Variants in MYOF observed in about 807,000 individuals in gnomAD.
MYOF encodes the protein myoferlin, also known as fer-1-like 3, myoferlin.
A neutral mutation model predicts 284.2 loss-of-function variants in MYOF; 244 were observed. That is an observed-to-expected ratio of 0.86 (90% CI 0.77 to 0.95). The LOEUF is 0.95. Ranked by LOEUF, MYOF falls within the 40% of genes least tolerant of loss-of-function variation. The probability of loss-of-function intolerance (pLI) is 0.00; values close to 1 mark genes in which losing one functional copy is unlikely to be tolerated. For synonymous variants in MYOF, 904 were observed against 919.7 expected, an observed-to-expected ratio of 0.98 and a Z score of 0.31; for missense variants, 2,496 against 2,560.6, an observed-to-expected ratio of 0.97 and a Z score of 0.54.
chr10:93,381,900 G>C lies in MYOF; in HGVS notation c.1699-504C>G, dbSNP rs183832477. On this transcript the variant is annotated intron_variant, in intron 19 of 53. Coordinates refer to ENST00000359263, the MANE Select transcript of MYOF (RefSeq NM_013451.4). ...AAAAATACAAAAATTAGCTGGGCGT[G>C]GTGGTGCACACCTGTAATCTCAGCT... Among the ~76,000 whole-genome samples, 224 of 152,172 alleles carry C rather than the reference G, an allele frequency of 1.5e-3. 3 individuals carry two copies. The highest frequency in any genetic ancestry group is 0.014 in the Admixed American group (207 of 15,278).
chr10:93,378,681 A>ATGTGTG (rs142030025), intron 21 of MYOF, among the ~76,000 whole-genome samples: 3,077 of 96,956 alleles, frequency 0.032, 190 homozygotes, highest in East Asian at 0.11. Flanking sequence ...GTGTGTGTGT[A>ATGTGTG]TGTGTGTGTG....
In MYOF at chr10:93,409,633, C is replaced by G. The variant is rs1417352721; in HGVS notation, c.540G>C (p.Arg180=). The change falls in exon 6 of 54, where the codon CGG becomes CGC. Residue 180 remains arginine (R), a synonymous_variant. Coordinates refer to ENST00000359263, the MANE Select transcript of MYOF (RefSeq NM_013451.4). ...GGCTGTTCTTTACTTTGGTGAGCCT[C>G]CGAGCAAGCTGAGCTTCCGACACCG... ...VGTVSEAQLA[R]RLTKVKNSRR... 41 of 1,614,098 alleles carry G rather than the reference C, an allele frequency of 2.5e-5. No individual in the cohort carries two copies. Among genetic ancestry groups the G allele is most frequent in the Non-Finnish European group, 3.1e-5 (37 of 1,180,052 alleles).
At chr10:93,463,388 C>T (rs1295011792) in intron 1 of MYOF, among the ~76,000 whole-genome samples, 1 of 94,216 alleles carries the variant, frequency 1.1e-5, no homozygotes, top group Admixed American at 1.5e-4. Flanking sequence ...GACTTCGTCT[C>T]TACAAATTTT....
Position 93,416,716 on chromosome 10 carries a change from A to G in MYOF, c.434-6977T>C, listed in dbSNP as rs1213277793. Among the ~76,000 whole-genome samples, 5 of 151,276 alleles carry G rather than the reference A, an allele frequency of 3.3e-5. No individual in the cohort carries two copies. In the East Asian group the frequency reaches 8.0e-4, roughly 24 times the overall value. On this transcript the variant is annotated intron_variant, in intron 5 of 53. Coordinates refer to ENST00000359263, the MANE Select transcript of MYOF (RefSeq NM_013451.4). ...GGGTTCAAGGGATTCTCCAGCCTCA[A>G]TCTCCCAAGTAGCTGGGACTATAGG...
At chr10:93,344,558 TAAAG>T (rs1359246715) in intron 37 of MYOF, among the ~76,000 whole-genome samples, 1 of 150,018 alleles carries the variant, frequency 6.7e-6, no homozygotes, top group Non-Finnish European at 1.5e-5. Flanking sequence ...AAACAGAAAA[TAAAG>T]AAGAGAAAAA....
chr10:93,382,884 C>T (rs964249531), intron 19 of MYOF, among the ~76,000 whole-genome samples: 18 of 152,036 alleles, frequency 1.2e-4, no homozygotes, highest in Admixed American at 6.6e-5. Context: ...GGGTATATAC[C>T]CAGAAGTGGA....
intron 31 of MYOF, 59 bp downstream of exon 31, chr10:93,355,569 G>A (rs1479902039): frequency 7.3e-7 from 1 of 1,377,402 alleles, no homozygotes; most frequent in East Asian, 2.5e-5. Context: ...GATAGGGCCA[G>A]ACTCAGTCTT....
At chr10:93,315,379 C>G (rs935394455) in intron 50 of MYOF, among the ~76,000 whole-genome samples, 24 of 152,144 alleles carry the variant, frequency 1.6e-4, no homozygotes, top group African/African-American at 5.3e-4. Context: ...CGTGATAAAA[C>G]AGATGACATT....
chr10:93,424,928 C>CGTT (rs1433325912), intron 5 of MYOF, among the ~76,000 whole-genome samples: 1 of 92,728 alleles, frequency 1.1e-5, no homozygotes, highest in Non-Finnish European at 2.2e-5. Context: ...GGGAGAATTC[C>CGTT]ATTTTTTTTT....
At chr10:93,476,245 CTTTTTTTTTTTT>C (rs67108011) in intron 1 of MYOF, among the ~76,000 whole-genome samples, 2 of 64,998 alleles carry the variant, frequency 3.1e-5, no homozygotes, top group African/African-American at 6.6e-5. Context: ...CTTCCCCATT[CTTTTTTTTTTTT>C]TTTTTTTTTT....
At chr10:93,315,225 T>C (rs574532034) in intron 50 of MYOF, among the ~76,000 whole-genome samples, 20 of 152,024 alleles carry the variant, frequency 1.3e-4, no homozygotes, top group Non-Finnish European at 2.9e-4. Flanking sequence ...CAGCCTTTGG[T>C]GGGTGTTTCC....
intron 49 of MYOF, among the ~76,000 whole-genome samples, chr10:93,319,248 G>A (rs1195855535): frequency 6.6e-6 from 1 of 152,242 alleles, no homozygotes; most frequent in Non-Finnish European, 1.5e-5. Context: ...CTGGGGAAGA[G>A]TGTGGAGGGT....
At chr10:93,328,182 C>A (rs1294773145) in intron 45 of MYOF, among the ~76,000 whole-genome samples, 1 of 152,186 alleles carries the variant, frequency 6.6e-6, no homozygotes, top group African/African-American at 2.4e-5. Flanking sequence ...TTGCCACCGC[C>A]CCCTCTGGGT....
At chr10:93,382,690 CCTT>C (rs1228207944) in intron 19 of MYOF, among the ~76,000 whole-genome samples, 6 of 152,254 alleles carry the variant, frequency 3.9e-5, no homozygotes, top group Non-Finnish European at 8.8e-5. Flanking sequence ...TGGCATATCT[CCTT>C]CTTTATGAGC....
At chr10:93,433,084 AAAGAC>A (rs1848945171) in intron 3 of MYOF, among the ~76,000 whole-genome samples, 2 of 152,236 alleles carry the variant, frequency 1.3e-5, no homozygotes. Context: ...ATCCAATCAG[AAAGAC>A]AAGAGAGTCA....
intron 46 of MYOF, chr10:93,324,447 A>C (rs1227775288): frequency 6.6e-6 from 1 of 152,232 alleles, no homozygotes; most frequent in Non-Finnish European, 1.5e-5. Flanking sequence ...TTAGGCGTCC[A>C]GTGTCTCCCC....
chr10:93,308,931 T>C (rs1421998981), intron 53 of MYOF, among the ~76,000 whole-genome samples: 1 of 152,156 alleles, frequency 6.6e-6, no homozygotes, highest in Non-Finnish European at 1.5e-5. Context: ...AGGCTAGTCT[T>C]GAACTCCTGA....
chr10:93,395,483 A>T (rs77559229), intron 16 of MYOF, among the ~76,000 whole-genome samples: 3,623 of 152,142 alleles, frequency 0.024, 158 homozygotes, highest in African/African-American at 0.082. Context: ...GTTAACATTA[A>T]TTTTTTCTCT....
intron 5 of MYOF, among the ~76,000 whole-genome samples, chr10:93,419,988 C>T (rs1265805725): frequency 2.0e-5 from 3 of 152,068 alleles, no homozygotes. Context: ...AAAAAATTAG[C>T]CAGGCGTGGT....
Sources: gnomAD v4.1 joint callset for allele counts (sites outside exome capture counted in the v4.1 genomes callset) on GRCh38, gnomAD v4.1.1 for gene constraint, MANE v1.5 for transcripts, NCBI Gene and HGNC (gene_info 2026-07-23, HGNC 2026-07-21) for gene names.